SLIT3: variants seen among roughly 807,000 people sequenced by gnomAD.
SLIT3 encodes the protein slit homolog 3 protein.
Under a neutral mutation model 184.0 loss-of-function variants are expected in SLIT3, and 68 were observed. That is an observed-to-expected ratio of 0.37 (90% CI 0.30 to 0.45). The LOEUF (loss-of-function observed/expected upper bound fraction) is 0.45. Among genes scored for constraint, SLIT3 ranks in the 20% least tolerant of loss-of-function variants. SLIT3 has a pLI of 1.00. For synonymous variants in SLIT3, 831 were observed against 828.6 expected (o/e 1.00, Z -0.05); for missense variants, 1,707 against 2,026.0 (o/e 0.84, Z 3.02).
chr5:168,711,183 C>T (rs538937969), intron 24 of SLIT3, 125 bp from the exon 25 acceptor site: 39 of 789,686 alleles, frequency 4.9e-5, no homozygotes, highest in Non-Finnish European at 7.4e-5. Context: ...ATGGGGCCAG[C>T]GGAGTAGTCG....
chr5:168,877,780 C>T (rs1251923592), intron 5 of SLIT3, among the ~76,000 whole-genome samples: 2 of 152,140 alleles, frequency 1.3e-5, no homozygotes, highest in African/African-American at 4.8e-5. Flanking sequence ...TTCTGGAATG[C>T]ATGTCCTACA....
At chr5:168,780,718 T>C (rs561733325) in intron 12 of SLIT3, among the ~76,000 whole-genome samples, 1 of 152,244 alleles carries the variant, frequency 6.6e-6, no homozygotes. Flanking sequence ...CTTCTTTTTA[T>C]TTCTCTAGTA....
chr5:168,940,378 A>G (rs747280101), intron 4 of SLIT3, among the ~76,000 whole-genome samples: 12 of 152,344 alleles, frequency 7.9e-5, no homozygotes, highest in African/African-American at 9.6e-5. Flanking sequence ...ATAGCTGCAA[A>G]TCAACAGTTA....
rs1472189130 is a variant in SLIT3, at chr5:169,244,777, C to T, written c.270-1G>A. On this transcript the variant is annotated splice_acceptor_variant, in intron 2 of 35. Coordinates refer to ENST00000519560, the MANE Select transcript of SLIT3 (RefSeq NM_003062.4). LOFTEE classifies it high-confidence loss of function. ...GCTGACCTGGTTGTCTTCCAGATGCCTACAACCACAGAGACAGCAATGACT... is the reference window on the plus strand; with the variant it reads ...GCTGACCTGGTTGTCTTCCAGATGCTTACAACCACAGAGACAGCAATGACT... 3 of 1,613,496 alleles carry T rather than the reference C, an allele frequency of 1.9e-6. No individual in the cohort carries two copies. Among genetic ancestry groups the T allele is most frequent in the Admixed American group, 3.3e-5 (2 of 60,024 alleles).
chr5:168,787,435 CCT>C (rs1002398752), intron 11 of SLIT3, among the ~76,000 whole-genome samples: 5 of 152,198 alleles, frequency 3.3e-5, no homozygotes, highest in African/African-American at 7.2e-5. Flanking sequence ...TGGGTGTACC[CCT>C]GTCTGGCTTC....
intron 3 of SLIT3, among the ~76,000 whole-genome samples, chr5:169,204,404 AAGG>A (rs1317196169): frequency 1.1e-4 from 16 of 152,252 alleles, no homozygotes; most frequent in African/African-American, 3.4e-4. Flanking sequence ...GTCCAAAATA[AAGG>A]AGGAGAGAAA....
At chr5:169,235,560 CT>C (rs1765166030) in intron 3 of SLIT3, among the ~76,000 whole-genome samples, 1 of 152,134 alleles carries the variant, frequency 6.6e-6, no homozygotes, top group Admixed American at 6.5e-5. Flanking sequence ...AAAGTCAATA[CT>C]TTTTTCAGAT....
intron 4 of SLIT3, among the ~76,000 whole-genome samples, chr5:169,124,027 G>A (rs1443723763): frequency 6.6e-6 from 1 of 152,114 alleles, no homozygotes; most frequent in African/African-American, 2.4e-5. Flanking sequence ...ATTTTTCAAG[G>A]GTTTCAGACG....
chr5:168,795,942 T>C (rs1438758437), intron 9 of SLIT3, among the ~76,000 whole-genome samples: 1 of 151,538 alleles, frequency 6.6e-6, no homozygotes, highest in East Asian at 1.9e-4. Context: ...GAAGGAAGAG[T>C]AAAAAGAGAT....
chr5:168,977,124 T>C (rs1754790971), intron 4 of SLIT3, among the ~76,000 whole-genome samples: 2 of 152,066 alleles, frequency 1.3e-5, no homozygotes, highest in African/African-American at 2.4e-5. Flanking sequence ...TCATAAGAAA[T>C]GAAATAACCT....
intron 13 of SLIT3, 132 bp downstream of exon 13, chr5:168,774,103 C>G: frequency 1.2e-6 from 1 of 859,962 alleles, no homozygotes. Flanking sequence ...TTTTATTATT[C>G]TAGCTTCCCT....
intron 2 of SLIT3, among the ~76,000 whole-genome samples, chr5:169,245,753 C>T (rs1404963059): frequency 1.3e-5 from 2 of 152,142 alleles, no homozygotes; most frequent in East Asian, 3.9e-4. Flanking sequence ...GGGAAGGCTG[C>T]ATCTTTATAT....
At position 168,663,310 on chromosome 5, in the gene SLIT3, G is replaced by A. The variant is rs1431015510; in HGVS notation, c.*3144C>T. ...GAGGGGGGATGGGGCAATGGAGGTGGGGATGGGGAAATGGAGGTTGGGAAG... is the reference window on the plus strand; with the variant it reads ...GAGGGGGGATGGGGCAATGGAGGTGAGGATGGGGAAATGGAGGTTGGGAAG... On this transcript the variant is annotated 3_prime_UTR_variant, in exon 36 of 36. Coordinates refer to ENST00000519560, the MANE Select transcript of SLIT3 (RefSeq NM_003062.4). The A allele has an allele frequency of 6.6e-6, 1 of 152,274 alleles. No homozygotes were observed. 9.4% of individuals were successfully genotyped at this position (152,274 alleles called of 1,614,324 possible). A position where few individuals can be genotyped will look rare whatever the true frequency, so the allele number is the denominator to read the frequency against.
intron 5 of SLIT3, among the ~76,000 whole-genome samples, chr5:168,869,125 G>T (rs1408909527): frequency 6.6e-6 from 1 of 152,208 alleles, no homozygotes; most frequent in Non-Finnish European, 1.5e-5. Context: ...CTCCAGAGAA[G>T]CTGGAAATCC....
chr5:168,951,865 C>G (rs1300898631), intron 4 of SLIT3, among the ~76,000 whole-genome samples: 3 of 152,064 alleles, frequency 2.0e-5, no homozygotes, highest in Admixed American at 6.6e-5. Flanking sequence ...GTAAAGACAC[C>G]CATGATTTAA....
chr5:168,934,229 TA>T (rs918553734), intron 4 of SLIT3, among the ~76,000 whole-genome samples: 1 of 152,222 alleles, frequency 6.6e-6, no homozygotes, highest in African/African-American at 2.4e-5. Flanking sequence ...CCCAAAGGAA[TA>T]ATTAACCTAT....
chr5:169,015,414 G>A (rs753341344), intron 4 of SLIT3, among the ~76,000 whole-genome samples: 1 of 152,190 alleles, frequency 6.6e-6, no homozygotes, highest in Non-Finnish European at 1.5e-5. Flanking sequence ...CAGCAATGAT[G>A]TTCCAAAAGC....
chr5:168,752,604 AG>A (rs1754756593), intron 18 of SLIT3: 1 of 216,752 alleles, frequency 4.6e-6, no homozygotes, highest in Non-Finnish European at 9.2e-6. Flanking sequence ...CATGTTGGTC[AG>A]GCTGGTTTCG....
intron 4 of SLIT3, among the ~76,000 whole-genome samples, chr5:169,144,360 T>C (rs1253982772): frequency 6.6e-6 from 1 of 152,196 alleles, no homozygotes; most frequent in East Asian, 1.9e-4. Context: ...TCATGGCCCC[T>C]GCTTTACGTT....
Sources: gnomAD v4.1 joint callset for allele counts (sites outside exome capture counted in the v4.1 genomes callset) on GRCh38, gnomAD v4.1.1 for gene constraint, MANE v1.5 for transcripts, NCBI Gene and HGNC (gene_info 2026-07-23, HGNC 2026-07-21) for gene names.